Variants in CCDC7 observed in about 807,000 individuals in gnomAD.
CCDC7 encodes the protein coiled-coil domain containing 7, also known as coiled-coil domain-containing protein 7.
Under a neutral mutation model 196.9 loss-of-function variants are expected in CCDC7, and 183 were observed. The observed-to-expected ratio is 0.93, with a 90% CI of 0.82 to 1.05. The LOEUF is 1.05. Among genes scored for constraint, CCDC7 ranks in the 50% least tolerant of loss-of-function variants. The probability of loss-of-function intolerance (pLI) is 0.00; values close to 1 mark genes in which losing one functional copy is unlikely to be tolerated. For synonymous variants in CCDC7, 525 were observed against 484.6 expected (o/e 1.08, Z -1.10); for missense variants, 1,540 against 1,482.2 (o/e 1.04, Z -0.64).
intron 28 of CCDC7, among the ~76,000 whole-genome samples, chr10:32,746,940 A>G (rs1183901098): frequency 6.6e-6 from 1 of 152,196 alleles, no homozygotes; most frequent in Non-Finnish European, 1.5e-5. Context: ...CTGCCTTGTC[A>G]CAGCCAGCAC....
chr10:32,515,722 TG>T (rs2046918379), intron 9 of CCDC7, among the ~76,000 whole-genome samples: 1 of 151,602 alleles, frequency 6.6e-6, no homozygotes, highest in Non-Finnish European at 1.5e-5. Flanking sequence ...TTTTTTTTTT[TG>T]TAGAGGCGGG....
At chr10:32,857,094 A>G (rs935944613) in intron 41 of CCDC7, among the ~76,000 whole-genome samples, 4 of 152,062 alleles carry the variant, frequency 2.6e-5, no homozygotes, top group Admixed American at 6.5e-5. Flanking sequence ...ATCTACTACT[A>G]TGGGGTAACT....
intron 24 of CCDC7, among the ~76,000 whole-genome samples, chr10:32,700,852 T>C (rs1271467143): frequency 6.6e-6 from 1 of 152,240 alleles, no homozygotes; most frequent in Admixed American, 6.5e-5. Flanking sequence ...TTTGGCTCTC[T>C]GTTTGTCTGT....
chr10:32,709,900 C>G (rs1203552786), intron 24 of CCDC7, among the ~76,000 whole-genome samples: 1 of 137,948 alleles, frequency 7.2e-6, no homozygotes, highest in Non-Finnish European at 1.6e-5. Flanking sequence ...ATTGACTGCT[C>G]TCACTCTCAA....
intron 28 of CCDC7, among the ~76,000 whole-genome samples, chr10:32,750,058 A>G (rs868578720): frequency 6.6e-6 from 1 of 152,182 alleles, no homozygotes; most frequent in African/African-American, 2.4e-5. Flanking sequence ...GAAAATGACA[A>G]ATTCATGTGG....
chr10:32,879,198 C>CT (rs761063501), downstream of CCDC7, among the ~76,000 whole-genome samples: 57 of 152,012 alleles, frequency 3.7e-4, no homozygotes, highest in Non-Finnish European at 6.8e-4. Flanking sequence ...TGATTATCAT[C>CT]TAAGTTTAAT....
intron 14 of CCDC7, 29 bp from the exon 16 acceptor site, chr10:32,567,641 T>C (rs760428614): frequency 1.3e-6 from 2 of 1,582,040 alleles, no homozygotes; most frequent in East Asian, 4.6e-5. Context: ...CAGAAAATGC[T>C]TAATAAACTG....
At chr10:32,658,677 TTAAA>T (rs1224079721) in intron 20 of CCDC7, among the ~76,000 whole-genome samples, 4 of 152,186 alleles carry the variant, frequency 2.6e-5, no homozygotes, top group Non-Finnish European at 2.9e-5. Context: ...TTATGTGGCC[TTAAA>T]TAAAGAAGTT....
At chr10:32,546,298 T>G (rs1484818553) in intron 13 of CCDC7, among the ~76,000 whole-genome samples, 2 of 152,216 alleles carry the variant, frequency 1.3e-5, no homozygotes, top group Non-Finnish European at 2.9e-5. Context: ...ACTTAAAAAT[T>G]TTAATCATTG....
chr10:32,494,701 C>T lies in CCDC7; in HGVS notation c.872+2704C>T, dbSNP rs558092770. ...GAGAATGATGGTTTCCAGCTTCATC[C>T]ATGTCCCTGCAAAGGACATGATCTC... On this transcript the variant is annotated intron_variant, in intron 9 of 41. Transcript: ENST00000639629. Among the ~76,000 whole-genome samples the T allele has an allele frequency of 2.6e-5, 4 of 152,214 alleles. No individual in the cohort carries two copies. In the South Asian group the frequency reaches 6.2e-4, roughly 24 times the overall value.
chr10:32,705,052 T>G (rs2079470747), intron 24 of CCDC7, among the ~76,000 whole-genome samples: 1 of 152,104 alleles, frequency 6.6e-6, no homozygotes, highest in Admixed American at 6.5e-5. Flanking sequence ...CCCAGTGAGA[T>G]GAACCCGGCA....
chr10:32,728,989 G>A, exon 27 of CCDC7: 1 of 1,576,562 alleles, frequency 6.3e-7, no homozygotes. Context: ...GGAGTGGAAA[G>A]ACACAAGAGT....
At chr10:32,706,535 GT>G (rs899187290) in intron 24 of CCDC7, among the ~76,000 whole-genome samples, 9 of 152,030 alleles carry the variant, frequency 5.9e-5, no homozygotes, top group African/African-American at 2.2e-4. Context: ...CCAGGAAATA[GT>G]TTTTTGAAAC....
chr10:32,804,719 T>G (rs1384378167), intron 29 of CCDC7, among the ~76,000 whole-genome samples: 1 of 152,178 alleles, frequency 6.6e-6, no homozygotes, highest in East Asian at 1.9e-4. Context: ...ATAAGCACTG[T>G]TCAAAGTATT....
intron 32 of CCDC7, among the ~76,000 whole-genome samples, chr10:32,826,970 A>C (rs1410508867): frequency 6.6e-6 from 1 of 152,240 alleles, no homozygotes; most frequent in Non-Finnish European, 1.5e-5. Context: ...ATTGGTGACA[A>C]AGACATTTGG....
At chr10:32,525,327 A>G (rs774205491) in intron 11 of CCDC7, among the ~76,000 whole-genome samples, 6 of 152,018 alleles carry the variant, frequency 3.9e-5, no homozygotes, top group Admixed American at 6.6e-5. Context: ...CAATTCTGCT[A>G]TTAAGAGAGT....
At chr10:32,819,016 G>A (rs927038450) in intron 31 of CCDC7, among the ~76,000 whole-genome samples, 30 of 152,138 alleles carry the variant, frequency 2.0e-4, no homozygotes, top group Non-Finnish European at 3.2e-4. Context: ...AAAAATCAAT[G>A]AATCCAGGAG....
intron 18 of CCDC7, among the ~76,000 whole-genome samples, chr10:32,622,364 T>C (rs146422246): frequency 6.6e-6 from 1 of 152,050 alleles, no homozygotes. Context: ...AATAGATTTG[T>C]GTTTTAATGA....
At chr10:32,730,587 C>T (rs968780647) in intron 28 of CCDC7, among the ~76,000 whole-genome samples, 1 of 151,616 alleles carries the variant, frequency 6.6e-6, no homozygotes, top group African/African-American at 2.4e-5. Context: ...ATTTAATACC[C>T]ATGTATATAA....
Sources: allele counts gnomAD v4.1 joint callset (sites outside exome capture counted in the v4.1 genomes callset), GRCh38; gene constraint gnomAD v4.1.1; transcripts MANE v1.5; gene names NCBI Gene and HGNC (gene_info 2026-07-23, HGNC 2026-07-21).